The following TNIK variants were observed in gnomAD, a reference collection of about 807,000 sequenced individuals.
The protein encoded by TNIK is TRAF2 and NCK interacting kinase, also known as TRAF2 and NCK-interacting protein kinase.
TNIK carries 49 observed loss-of-function variants against 191.3 expected under a neutral mutation model. The observed-to-expected ratio is 0.26, with a 90% CI of 0.20 to 0.32. The LOEUF is 0.32. Ranked by LOEUF, TNIK falls within the 10% of genes least tolerant of loss-of-function variation. The probability of loss-of-function intolerance (pLI) is 1.00; values close to 1 mark genes in which losing one functional copy is unlikely to be tolerated. For missense variants in TNIK, 1,155 were observed against 1,702.3 expected, an observed-to-expected ratio of 0.68 and a Z score of 5.66; for synonymous variants, 594 against 600.9, an observed-to-expected ratio of 0.99 and a Z score of 0.17.
chr3:171,423,863 C>T (rs995214187), intron 1 of TNIK, among the ~76,000 whole-genome samples: 10 of 151,974 alleles, frequency 6.6e-5, no homozygotes, highest in East Asian at 1.9e-4. Context: ...AATGTTAGAC[C>T]GAAAACCATA....
At chr3:171,085,461 T>C (rs78788200) in intron 24 of TNIK, among the ~76,000 whole-genome samples, 6,856 of 152,260 alleles carry the variant, frequency 0.045, 524 homozygotes, top group African/African-American at 0.16. Flanking sequence ...GCAAGAATTG[T>C]AGTGAGAAAA....
chr3:171,436,828 T>G (rs566942666), intron 1 of TNIK, among the ~76,000 whole-genome samples: 2 of 152,300 alleles, frequency 1.3e-5, no homozygotes, highest in South Asian at 4.1e-4. Flanking sequence ...GGTTGAAGAT[T>G]TGAACATTGC....
At chr3:171,110,350 G>A (rs772110774) in intron 19 of TNIK, among the ~76,000 whole-genome samples, 1 of 152,152 alleles carries the variant, frequency 6.6e-6, no homozygotes, top group Non-Finnish European at 1.5e-5. Context: ...AGGACAATTG[G>A]TGCAATGCGT....
chr3:171,355,275 A>G (rs1230472665), intron 2 of TNIK, among the ~76,000 whole-genome samples: 1 of 152,122 alleles, frequency 6.6e-6, no homozygotes, highest in Non-Finnish European at 1.5e-5. Flanking sequence ...AGAGGGGCAT[A>G]TTCATATGGA....
intron 2 of TNIK, among the ~76,000 whole-genome samples, chr3:171,356,190 A>C (rs1239203498): frequency 6.6e-6 from 1 of 152,152 alleles, no homozygotes; most frequent in African/African-American, 2.4e-5. Flanking sequence ...GGGGGGAAAA[A>C]AAAATCATAA....
chr3:171,115,934 C>T (rs375373375), intron 18 of TNIK, among the ~76,000 whole-genome samples: 1 of 152,146 alleles, frequency 6.6e-6, no homozygotes, highest in Non-Finnish European at 1.5e-5. Flanking sequence ...AGAGTCTCAT[C>T]CTGTGTGAAG....
intron 21 of TNIK, 38 bp from the exon 22 acceptor site, chr3:171,101,671 A>T: frequency 1.3e-6 from 2 of 1,597,750 alleles, no homozygotes; most frequent in Non-Finnish European, 8.5e-7. Flanking sequence ...TGAGTGGTAG[A>T]TACGACCAAA....
chr3:171,394,010 C>G lies in TNIK; in HGVS notation c.58-24325G>C, dbSNP rs186337859. ...ATAAAATAATATAGCATCTTACAAT[C>G]AATTGCACATGCCATGGACGAAATG... On this transcript the variant is annotated intron_variant, in intron 1 of 32. Coordinates refer to ENST00000436636, the MANE Select transcript of TNIK (RefSeq NM_015028.4). Among the ~76,000 whole-genome samples the G allele has an allele frequency of 7.2e-5, 11 of 152,298 alleles. No individual in the cohort carries two copies. In the East Asian group the frequency reaches 2.1e-3, roughly 29 times the overall value.
chr3:171,084,123 T>TAA (rs371989911), intron 26 of TNIK, 32 bp downstream of exon 26: 476 of 1,392,884 alleles, frequency 3.4e-4, no homozygotes, highest in South Asian at 1.4e-3. Context: ...AGTGGTTATT[T>TAA]AAAAAAAAAA....
At chr3:171,272,522 T>C (rs183971514) in intron 2 of TNIK, among the ~76,000 whole-genome samples, 8 of 152,238 alleles carry the variant, frequency 5.3e-5, no homozygotes, top group South Asian at 2.1e-4. Flanking sequence ...ATCCTATATG[T>C]TTTTCTCATT....
At chr3:171,441,952 T>A (rs979117168) in intron 1 of TNIK, among the ~76,000 whole-genome samples, 2 of 152,170 alleles carry the variant, frequency 1.3e-5, no homozygotes, top group East Asian at 1.9e-4. Context: ...ACTTAAAAAA[T>A]TTTGAGAGCT....
intron 2 of TNIK, among the ~76,000 whole-genome samples, chr3:171,265,288 G>A (rs1748245068): frequency 6.6e-6 from 1 of 152,194 alleles, no homozygotes; most frequent in Non-Finnish European, 1.5e-5. Context: ...AATAATAGGA[G>A]AAAATCTAGA....
chr3:171,082,427 T>C (rs1455751698), intron 26 of TNIK, 33 bp from the exon 27 acceptor site: 24 of 1,599,334 alleles, frequency 1.5e-5, no homozygotes, highest in Non-Finnish European at 2.0e-5. Context: ...AAGACTGACT[T>C]TTCATGAACT....
rs1394394324 is a variant in TNIK at position 171,062,042 on chromosome 3, C to T, written c.*1839G>A. ...TAATCCAGAAACTAGAATGTTTCCC[C>T]TTCTCTTCCCCATCTTGCCCAAACC... On this transcript the variant is annotated 3_prime_UTR_variant, in exon 33 of 33. Transcript: ENST00000436636. The T allele has an allele frequency of 6.6e-6, 1 of 152,152 alleles. No homozygotes were observed. Among genetic ancestry groups the T allele is most frequent in the African/African-American group, 2.4e-5 (1 of 41,418 alleles). 9.4% of individuals were successfully genotyped at this position (152,152 alleles called of 1,614,324 possible). A position where few individuals can be genotyped will look rare whatever the true frequency, so the allele number is the denominator to read the frequency against.
intron 2 of TNIK, among the ~76,000 whole-genome samples, chr3:171,328,764 CA>C (rs1380986901): frequency 2.0e-5 from 3 of 152,146 alleles, no homozygotes; most frequent in African/African-American, 7.2e-5. Flanking sequence ...CCACCCTCTC[CA>C]GTGTGGGGGT....
At chr3:171,242,105 G>GTA (rs1273485244) in intron 2 of TNIK, among the ~76,000 whole-genome samples, 3 of 150,132 alleles carry the variant, frequency 2.0e-5, no homozygotes, top group South Asian at 2.1e-4. Context: ...CATGGCACAT[G>GTA]TATATATATG....
chr3:171,401,594 G>A (rs1720967978), intron 1 of TNIK, among the ~76,000 whole-genome samples: 1 of 152,080 alleles, frequency 6.6e-6, no homozygotes, highest in Admixed American at 6.6e-5. Flanking sequence ...TCTGTGCACT[G>A]CTCAGAACAA....
chr3:171,077,852 T>C (rs1451568092), intron 28 of TNIK, among the ~76,000 whole-genome samples: 1 of 152,012 alleles, frequency 6.6e-6, no homozygotes, highest in Admixed American at 6.6e-5. Context: ...TACAGCTGTA[T>C]GTATGTATGT....
At chr3:171,242,257 A>C (rs1418226817) in intron 2 of TNIK, among the ~76,000 whole-genome samples, 1 of 152,294 alleles carries the variant, frequency 6.6e-6, no homozygotes, top group African/African-American at 2.4e-5. Flanking sequence ...AAATTTGCCT[A>C]AACTGTTAAG....
Sources: allele counts gnomAD v4.1 joint callset (sites outside exome capture counted in the v4.1 genomes callset), GRCh38; gene constraint gnomAD v4.1.1; transcripts MANE v1.5; gene names NCBI Gene and HGNC (gene_info 2026-07-23, HGNC 2026-07-21).